Variants in AMOTL1 observed in about 807,000 individuals in gnomAD.
The protein encoded by AMOTL1 is angiomotin like 1.
AMOTL1 carries 45 observed loss-of-function variants against 102.9 expected under a neutral mutation model. The observed-to-expected ratio is 0.44, with a 90% CI of 0.34 to 0.56. AMOTL1 has a LOEUF of 0.56. AMOTL1 is among the 20% of genes least tolerant of loss of function. The pLI is 0.01. For synonymous variants in AMOTL1, 481 were observed against 484.7 expected (o/e 0.99, Z 0.10); for missense variants, 1,114 against 1,225.6 (o/e 0.91, Z 1.36).
intron 3 of AMOTL1, among the ~76,000 whole-genome samples, chr11:94,803,654 C>T (rs1414102362): frequency 1.3e-5 from 2 of 152,220 alleles, no homozygotes; most frequent in Non-Finnish European, 2.9e-5. Context: ...TTTGTGGAAA[C>T]AGACCACTTC....
At chr11:94,821,408 C>G in intron 3 of AMOTL1, 122 bp from the exon 4 acceptor site, 1 of 1,049,564 alleles carries the variant, frequency 9.5e-7, no homozygotes, top group Non-Finnish European at 1.4e-6. Flanking sequence ...ATACCTCCCA[C>G]TGGGAAGTGC....
Position 94,859,708 on chromosome 11 carries a change from G to T in AMOTL1, c.2128G>T (p.Ala710Ser). ...FAMNAAATAA[A>S]ERDTTIINHS... ...CATGAATGCCGCAGCCACTGCAGCA[G>T]CTGAGAGGTGAGACCAGTGGAACTC... Residue 710 changes from alanine (A) to serine (S), a missense_variant, in exon 9 of 13, where the codon GCT (alanine) becomes TCT (serine). Ala to Ser is a moderately conservative substitution (Grantham distance 99). Coordinates refer to ENST00000433060, the MANE Select transcript of AMOTL1 (RefSeq NM_130847.3). 2 of 1,606,914 alleles carry T rather than the reference G, an allele frequency of 1.2e-6. No individual in the cohort carries two copies. The highest frequency in any genetic ancestry group is 1.7e-6 in the Non-Finnish European group (2 of 1,176,128).
chr11:94,767,647 G>A (rs1950871508), upstream of AMOTL1, among the ~76,000 whole-genome samples: 1 of 152,226 alleles, frequency 6.6e-6, no homozygotes, highest in African/African-American at 2.4e-5. Context: ...GCTCCAGAGA[G>A]CCGCCAGTAT....
intron 2 of AMOTL1, among the ~76,000 whole-genome samples, chr11:94,734,417 T>TA (rs531060622): frequency 1.2e-3 from 188 of 152,346 alleles, no homozygotes; most frequent in Middle Eastern, 6.8e-3. Flanking sequence ...AAGGAAAGAC[T>TA]ATTAAATCCT....
intron 9 of AMOTL1, among the ~76,000 whole-genome samples, chr11:94,863,117 A>C (rs1952805640): frequency 6.6e-6 from 1 of 152,092 alleles, no homozygotes; most frequent in South Asian, 2.1e-4. Context: ...TGGTTTCTTC[A>C]TCTAGAAATT....
At chr11:94,797,471 A>G (rs1005467614) in intron 2 of AMOTL1, among the ~76,000 whole-genome samples, 5 of 152,218 alleles carry the variant, frequency 3.3e-5, no homozygotes, top group Admixed American at 3.3e-4. Flanking sequence ...CCCAGATGCG[A>G]AGACATGATC....
intron 3 of AMOTL1, among the ~76,000 whole-genome samples, chr11:94,811,824 A>G (rs952198904): frequency 6.6e-6 from 1 of 152,162 alleles, no homozygotes; most frequent in African/African-American, 2.4e-5. Flanking sequence ...CAAAACCCCA[A>G]TTCAGCTACT....
rs116408635 is a variant in AMOTL1, at chr11:94,742,167, A to G, written c.136+1179A>G. Among the ~76,000 whole-genome samples the G allele has an allele frequency of 4.5e-3, 683 of 152,332 alleles. 5 individuals are homozygous for G. The highest frequency in any genetic ancestry group is 0.016 in the African/African-American group (661 of 41,570). ...GAGGCAATCACATCTCTATCAGTGGAATTGTAGACTAAATGCATGAGCAAA... is the reference window on the plus strand; with the variant it reads ...GAGGCAATCACATCTCTATCAGTGGGATTGTAGACTAAATGCATGAGCAAA... On this transcript the variant is annotated intron_variant, in intron 3 of 4. Coordinates refer to the AMOTL1 transcript ENST00000299004.
chr11:94,709,651 A>G (rs192474708), intron 1 of AMOTL1, among the ~76,000 whole-genome samples: 1 of 151,752 alleles, frequency 6.6e-6, no homozygotes, highest in African/African-American at 2.4e-5. Flanking sequence ...CATGTAAGGA[A>G]AGAAACTTTT....
rs572363808 is a variant in AMOTL1, at chr11:94,875,581, C to G, written c.*4786C>G. 1 of 152,250 alleles carries G rather than the reference C, an allele frequency of 6.6e-6. No homozygotes were observed. The highest frequency in any genetic ancestry group is 2.1e-4 in the South Asian group (1 of 4,828). The allele number at this position is 152,250 out of a possible 1,614,324, so 9.4% of individuals were successfully genotyped here. A position where few individuals can be genotyped will look rare whatever the true frequency, so the allele number is the denominator to read the frequency against. ...TCTTCTACTAGAATGGCCTTCAGGGCTTGGCATGTTCCTTTGGTTTACCCT... is the reference window on the plus strand; with the variant it reads ...TCTTCTACTAGAATGGCCTTCAGGGGTTGGCATGTTCCTTTGGTTTACCCT... On this transcript the variant is annotated 3_prime_UTR_variant, in exon 13 of 13. Transcript: ENST00000433060.
At chr11:94,845,307 A>G (rs868241715) in intron 6 of AMOTL1, among the ~76,000 whole-genome samples, 2 of 152,326 alleles carry the variant, frequency 1.3e-5, no homozygotes, top group Non-Finnish European at 1.5e-5. Flanking sequence ...TCTACTTTCT[A>G]CCACTTGTGT....
intron 3 of AMOTL1, 98 bp downstream of exon 3, chr11:94,800,409 C>T (rs979380113): frequency 3.7e-6 from 5 of 1,356,794 alleles, no homozygotes; most frequent in Non-Finnish European, 5.0e-6. Context: ...TTTTTGTCAT[C>T]AGGCTTTTTT....
chr11:94,802,436 G>A (rs1228584256), intron 3 of AMOTL1, among the ~76,000 whole-genome samples: 1 of 152,180 alleles, frequency 6.6e-6, no homozygotes, highest in Non-Finnish European at 1.5e-5. Flanking sequence ...TATTTGTAAA[G>A]TAATATGTAC....
chr11:94,739,206 A>T (rs1055804566), intron 2 of AMOTL1, among the ~76,000 whole-genome samples: 12 of 152,276 alleles, frequency 7.9e-5, no homozygotes, highest in Middle Eastern at 3.4e-3. Flanking sequence ...GAGGCTGAGG[A>T]TATATAGATT....
intron 3 of AMOTL1, among the ~76,000 whole-genome samples, chr11:94,808,515 G>A (rs941628312): frequency 6.6e-6 from 1 of 151,832 alleles, no homozygotes; most frequent in Non-Finnish European, 1.5e-5. Context: ...TAGCCTAATA[G>A]CCCAATTATA....
At chr11:94,850,287 G>A (rs1952507650) in intron 7 of AMOTL1, 28 bp downstream of exon 7, 1 of 1,578,232 alleles carries the variant, frequency 6.3e-7, no homozygotes, top group South Asian at 1.2e-5. Flanking sequence ...GGATTTGGTG[G>A]GGAAGAGGGC....
intron 6 of AMOTL1, among the ~76,000 whole-genome samples, chr11:94,838,576 G>T (rs1316420828): frequency 6.6e-6 from 1 of 152,160 alleles, no homozygotes; most frequent in East Asian, 1.9e-4. Flanking sequence ...GGTTTGGCCT[G>T]CAGGTCATAC....
chr11:94,849,329 C>G (rs2135707392), intron 6 of AMOTL1, among the ~76,000 whole-genome samples: 1 of 152,276 alleles, frequency 6.6e-6, no homozygotes, highest in Admixed American at 6.5e-5. Flanking sequence ...CAGCATATTG[C>G]TTTTGCAACA....
rs1442603823 is a variant in AMOTL1 at position 94,831,384 on chromosome 11, A to G, written c.1559-68A>G. 15 of 1,328,552 alleles carry G rather than the reference A, an allele frequency of 1.1e-5. No individual in the cohort carries two copies. The Admixed American group carries it at 2.4e-4, about 22-fold the overall frequency. 82.3% of individuals were successfully genotyped at this position (1,328,552 alleles called of 1,614,324 possible). The stretch of plus-strand genomic sequence containing the variant: ...CTCCCCAGCTCTTGGCACATATTTC[A>G]TTTCTTGGTTAGATGATGACTTCAA... On this transcript the variant is annotated intron_variant, in intron 5 of 12. Coordinates refer to ENST00000433060, the MANE Select transcript of AMOTL1 (RefSeq NM_130847.3).
Sources: allele counts gnomAD v4.1 joint callset (sites outside exome capture counted in the v4.1 genomes callset), GRCh38; gene constraint gnomAD v4.1.1; transcripts MANE v1.5; gene names NCBI Gene and HGNC (gene_info 2026-07-23, HGNC 2026-07-21).